ADGRL1: variants seen among roughly 807,000 people sequenced by gnomAD.
The protein encoded by ADGRL1 is adhesion G protein-coupled receptor L1.
ADGRL1 carries 31 observed loss-of-function variants against 148.9 expected under a neutral mutation model. The ratio of observed to expected loss-of-function variants is 0.21; its 90% confidence interval spans 0.16 to 0.28. The LOEUF (loss-of-function observed/expected upper bound fraction) is 0.28. ADGRL1 is among the 10% of genes least tolerant of loss of function. The pLI, the probability that ADGRL1 is intolerant of heterozygous loss-of-function variation, is 1.00. For synonymous variants in ADGRL1, 937 were observed against 900.3 expected (o/e 1.04, Z -0.73); for missense variants, 1,521 against 2,058.8 (o/e 0.74, Z 5.05).
intron 1 of ADGRL1, among the ~76,000 whole-genome samples, chr19:14,201,399 G>A (rs2145180446): frequency 7.3e-6 from 1 of 137,672 alleles, no homozygotes; most frequent in Non-Finnish European, 1.5e-5. Flanking sequence ...TGGAACAGGA[G>A]ACAGTGAAGG....
In ADGRL1 at chr19:14,158,527, G is replaced by C. The variant is rs1038600610; in HGVS notation, c.2175C>G (p.Leu725=). ...ACAGGAAGAGGCCCAGGTTGTTGTAGAGGATGAAGACAACTTTGACCACCC... is the reference window on the plus strand; with the variant it reads ...ACAGGAAGAGGCCCAGGTTGTTGTACAGGATGAAGACAACTTTGACCACCC... ...RNGVVKVVFI[L]YNNLGLFLST... is the part of the protein sequence containing the mutation. Residue 725 remains leucine (L), a synonymous_variant, in exon 12 of 23, where the codon CTC becomes CTG. Transcript: ENST00000361434. 1.2e-6 allele frequency: 2 copies of C among 1,614,002 alleles called. No individual in the cohort carries two copies. The highest frequency in any genetic ancestry group is 1.7e-6 in the Non-Finnish European group (2 of 1,180,014).
intron 16 of ADGRL1, 124 bp from the exon 17 acceptor site, chr19:14,156,325 G>A (rs373029043): frequency 3.5e-5 from 27 of 772,404 alleles, no homozygotes; most frequent in Non-Finnish European, 4.8e-5. Context: ...GGAGAACCCC[G>A]TACCTGCCCC....
At chr19:14,204,713 T>TGAGAGAGAGAGAGAGAGA (rs74181774) in intron 1 of ADGRL1, among the ~76,000 whole-genome samples, 329 of 142,988 alleles carry the variant, frequency 2.3e-3, no homozygotes, top group African/African-American at 8.2e-3. Flanking sequence ...ACAGAGAGAG[T>TGAGAGAGAGAGAGAGAGA]GAGAGAGAGA....
chr19:14,153,063 C>T (rs1023693899), intron 18 of ADGRL1, 151 bp from the exon 19 acceptor site: 5 of 839,196 alleles, frequency 6.0e-6, no homozygotes, highest in Non-Finnish European at 9.1e-6. Flanking sequence ...TTGCAGGCCA[C>T]GGAAGCCTTG....
At position 14,177,744 on chromosome 19, in the gene ADGRL1, C is replaced by T. The variant is rs146117642; in HGVS notation, c.71G>A (p.Gly24Asp). 6.2e-7 allele frequency: 1 copy of T among 1,609,214 alleles called. No homozygotes were observed. Among genetic ancestry groups the T allele is most frequent in the Non-Finnish European group, 8.5e-7 (1 of 1,179,000 alleles). Residue 24 changes from glycine (G) to aspartate (D), a missense_variant and splice_region_variant, in exon 3 of 23, where the codon GGC becomes GAC. Physicochemically the swap from Gly to Asp is moderately conservative, Grantham distance 94 (BLOSUM62 -1). Around this residue, in one of 8 missense-constraint regions of ADGRL1, gnomAD observed 334 missense variants for 512.5 expected, o/e 0.65. Coordinates refer to ENST00000361434, the MANE Select transcript of ADGRL1 (RefSeq NM_014921.5). The stretch of plus-strand genomic sequence containing the variant: ...GAACGGGAGCCCGGCCCGGCTCAGG[C>T]CTGCAGGGAGGGTTGGGGATGGTGT... ...TAVLVTSATQ[G>D]LSRAGLPFGL...
intron 1 of ADGRL1, among the ~76,000 whole-genome samples, chr19:14,189,560 G>A (rs866851418): frequency 4.6e-5 from 7 of 152,066 alleles, no homozygotes; most frequent in South Asian, 2.1e-4. Context: ...CTCACTCAGC[G>A]CCACGTTTCC....
rs368698858 is a variant in ADGRL1 at position 14,184,646 on chromosome 19, A to ATTTTTTT, written c.-95-956_-95-950dup. On this transcript the variant is annotated intron_variant, in intron 1 of 22. Coordinates refer to ENST00000361434, the MANE Select transcript of ADGRL1 (RefSeq NM_014921.5). Reference sequence around the variant, plus strand: ...TATTTATTTATTTATTTATTTATTTATTTTTTTTTCTGAGACGGAGTCGTG... The same window carrying ATTTTTTT: ...TATTTATTTATTTATTTATTTATTTATTTTTTTTTTTTTTTTCTGAGACGGAGTCGTG... 3.7e-4 allele frequency among the ~76,000 whole-genome samples: 36 copies of ATTTTTTT among 97,720 alleles called. 2 individuals carry two copies. Among genetic ancestry groups the ATTTTTTT allele is most frequent in the African/African-American group, 7.5e-4 (18 of 24,050 alleles). 64.1% of individuals were successfully genotyped at this position (97,720 alleles called of 152,430 possible).
At chr19:14,175,130 A>G (rs1022721665) in intron 3 of ADGRL1, among the ~76,000 whole-genome samples, 3 of 152,144 alleles carry the variant, frequency 2.0e-5, no homozygotes, top group Non-Finnish European at 4.4e-5. Context: ...GGCGTGAGCC[A>G]CCGCGTCCAG....
intron 1 of ADGRL1, among the ~76,000 whole-genome samples, chr19:14,192,646 C>G (rs555875229): frequency 6.6e-6 from 1 of 151,626 alleles, no homozygotes; most frequent in African/African-American, 2.4e-5. Flanking sequence ...GATTCAAGAA[C>G]CTCGAGTGAT....
At position 14,159,392 on chromosome 19, in the gene ADGRL1, G is replaced by A; in HGVS notation, c.2023+9C>T. ...ATCTGAGTTTGCCCTGGGTGACTGT[G>A]GCACTCACCCACGTTCTCCTTGGCA... On this transcript the variant is annotated intron_variant, in intron 10 of 22. Coordinates refer to ENST00000361434, the MANE Select transcript of ADGRL1 (RefSeq NM_014921.5). This position sits in a 1 kb window ranked among gnomAD's most constrained non-coding sequence, Gnocchi z 6.0. 6.2e-7 allele frequency: 1 copy of A among 1,602,306 alleles called. No homozygotes were observed. The highest frequency in any genetic ancestry group is 8.5e-7 in the Non-Finnish European group (1 of 1,172,392).
chr19:14,152,113 C>G lies in ADGRL1; in HGVS notation c.3667+20G>C. 1 of 1,611,422 alleles carries G rather than the reference C, an allele frequency of 6.2e-7. No homozygotes were observed. Among genetic ancestry groups the G allele is most frequent in the South Asian group, 1.1e-5 (1 of 91,024 alleles). ...CCTCTCCCAGCCTCAGAAACATCCC[C>G]AGGGAAGAGTCACACTTACTGGGTT... On this transcript the variant is annotated intron_variant, in intron 22 of 22. Transcript: ENST00000361434. This position sits in a 1 kb window ranked among gnomAD's most constrained non-coding sequence, Gnocchi z 6.1.
intron 2 of ADGRL1, among the ~76,000 whole-genome samples, chr19:14,183,111 T>C (rs1971313906): frequency 6.6e-6 from 1 of 151,574 alleles, no homozygotes; most frequent in Non-Finnish European, 1.5e-5. Flanking sequence ...CCGAGCCGGG[T>C]AATTAGTTGT....
At chr19:14,195,194 A>C (rs1972181582) in intron 1 of ADGRL1, among the ~76,000 whole-genome samples, 1 of 152,036 alleles carries the variant, frequency 6.6e-6, no homozygotes, top group South Asian at 2.1e-4. Context: ...ACCCAGCCAT[A>C]GGCGACCCTA....
intron 4 of ADGRL1, chr19:14,169,957 CA>C (rs1204187041): frequency 2.6e-5 from 4 of 152,248 alleles, no homozygotes; most frequent in Admixed American, 6.5e-5. Context: ...TCACTTTCTT[CA>C]GGCTGCCTGG....
intron 16 of ADGRL1, 41 bp downstream of exon 16, chr19:14,156,617 G>A: frequency 6.4e-7 from 1 of 1,561,366 alleles, no homozygotes; most frequent in Non-Finnish European, 8.7e-7. Flanking sequence ...CAGCCTGGAT[G>A]AAGGAAGATG....
intron 4 of ADGRL1, 95 bp downstream of exon 4, chr19:14,170,587 T>TG (rs1970383280): frequency 1.4e-6 from 1 of 719,344 alleles, no homozygotes; most frequent in African/African-American, 1.8e-5. Flanking sequence ...CCAGGCCCCA[T>TG]GCATGTGTGC....
Position 14,151,534 on chromosome 19 carries a change from C to A in ADGRL1, c.3749G>T (p.Arg1250Leu). ...ATCCCCGGGAGGGAAATCCCCACTT[C>A]GCAAGGAGTAACTGTTATTGAAGTT... The part of the protein sequence containing the change: ...NGNFNNSYSL[R>L]SGDFPPGDGG... The change falls in exon 23 of 23, where the codon CGA (arginine) becomes CTA (leucine). Residue 1250 changes from arginine to leucine, a missense_variant. Around this residue, in one of 8 missense-constraint regions of ADGRL1, gnomAD observed 390 missense variants for 375.0 expected, o/e 1.04. Transcript: ENST00000361434. 2 of 1,611,222 alleles carry A rather than the reference C, an allele frequency of 1.2e-6. No individual in the cohort carries two copies. Among genetic ancestry groups the A allele is most frequent in the Non-Finnish European group, 1.7e-6 (2 of 1,179,034 alleles).
Position 14,161,852 on chromosome 19 carries a change from C to T in ADGRL1, c.1196-226G>A, listed in dbSNP as rs1969423795. 1.3e-5 allele frequency among the ~76,000 whole-genome samples: 2 copies of T among 152,098 alleles called. No homozygotes were observed. Among genetic ancestry groups the T allele is most frequent in the African/African-American group, 4.8e-5 (2 of 41,422 alleles). The stretch of plus-strand genomic sequence containing the variant: ...AAAGTAGCAAAGAGTGGTAAAAATC[C>T]ACGATGTGTACCATAAGGTCTGAGA... On this transcript the variant is annotated intron_variant, in intron 5 of 22. Transcript: ENST00000361434. The surrounding 1 kb of genome is among the most constrained non-coding windows in gnomAD (Gnocchi z 4.4).
chr19:14,156,269 A>G, intron 16 of ADGRL1, 68 bp from the exon 17 acceptor site: 2 of 1,260,086 alleles, frequency 1.6e-6, no homozygotes, highest in Non-Finnish European at 2.3e-6. Context: ...CACTGAGGCT[A>G]GGGCCCAGCC....
Sources: allele counts gnomAD v4.1 joint callset (sites outside exome capture counted in the v4.1 genomes callset), GRCh38; gene constraint gnomAD v4.1.1; regional missense constraint gnomAD v4.1.1; non-coding constraint Gnocchi (gnomAD v3.1); transcripts MANE v1.5; gene names NCBI Gene and HGNC (gene_info 2026-07-23, HGNC 2026-07-21).